Variants in ADCY1 observed in about 807,000 individuals in gnomAD.
The protein encoded by ADCY1 is adenylate cyclase type 1.
ADCY1 carries 28 observed loss-of-function variants against 105.4 expected under a neutral mutation model. The ratio of observed to expected loss-of-function variants is 0.27; its 90% CI spans 0.20 to 0.36. The LOEUF (loss-of-function observed/expected upper bound fraction) is 0.36. ADCY1 is among the 10% of genes least tolerant of loss of function. The pLI, the probability that ADCY1 is intolerant of heterozygous loss-of-function variation, is 1.00. For synonymous variants in ADCY1, 655 were observed against 623.8 expected (o/e 1.05, Z -0.75); for missense variants, 977 against 1,434.2 (o/e 0.68, Z 5.15).
chr7:45,703,450 C>G lies in ADCY1; in HGVS notation c.2529C>G (p.Ala843=). The G allele has an allele frequency of 6.2e-7, 1 of 1,614,130 alleles. No individual in the cohort carries two copies. Among genetic ancestry groups the G allele is most frequent in the Non-Finnish European group, 8.5e-7 (1 of 1,180,012 alleles). The change falls in exon 15 of 20, where the codon GCC becomes GCG. Residue 843 remains alanine (A), a synonymous_variant. Transcript: ENST00000297323. The surrounding 1 kb of genome is among the most constrained non-coding windows in gnomAD (Gnocchi z 5.9). ...GCATCCTCTTCAACCTCCTGCCGGC[C>G]CACGTCGCCCAGCACTTCCTCATGT... ...NRRILFNLLP[A]HVAQHFLMSN...
intron 10 of ADCY1, 97 bp downstream of exon 10, chr7:45,678,360 T>TCGTG: frequency 8.3e-7 from 1 of 1,199,702 alleles, no homozygotes; most frequent in Non-Finnish European, 1.2e-6. Context: ...GTGTTTCTGT[T>TCGTG]GTATGCTCAA....
intron 8 of ADCY1, among the ~76,000 whole-genome samples, chr7:45,673,196 A>ATT (rs35996092): frequency 9.2e-5 from 14 of 151,604 alleles, no homozygotes; most frequent in Non-Finnish European, 1.9e-4. Flanking sequence ...ATTTTGTTAG[A>ATT]TTTTTTTTAT....
intron 7 of ADCY1, among the ~76,000 whole-genome samples, chr7:45,660,494 C>G (rs573905500): frequency 6.6e-6 from 1 of 152,226 alleles, no homozygotes; most frequent in African/African-American, 2.4e-5. Flanking sequence ...CATGAAACCC[C>G]GCAGGGGGGC....
intron 19 of ADCY1, among the ~76,000 whole-genome samples, chr7:45,712,094 ATT>A (rs1243929579): frequency 2.3e-5 from 3 of 132,864 alleles, no homozygotes; most frequent in African/African-American, 8.5e-5. Context: ...TATATAATAT[ATT>A]TTATAATTTT....
In ADCY1 at chr7:45,606,049, C is replaced by T. The variant is rs76091572; in HGVS notation, c.790-4330C>T. ...GAAGTTTAGGCTCCACACTGGGCCT[C>T]TGTTGACACCATGTGGGGAGGGCTC... On this transcript the variant is annotated intron_variant, in intron 2 of 19. Coordinates refer to ENST00000297323, the MANE Select transcript of ADCY1 (RefSeq NM_021116.4). Among the ~76,000 whole-genome samples the T allele has an allele frequency of 3.2e-3, 485 of 152,332 alleles. 3 individuals are homozygous for T. Among genetic ancestry groups the T allele is most frequent in the Middle Eastern group, 0.017 (5 of 294 alleles).
intron 8 of ADCY1, among the ~76,000 whole-genome samples, chr7:45,672,952 A>G (rs923674451): frequency 6.6e-6 from 1 of 152,092 alleles, no homozygotes; most frequent in Non-Finnish European, 1.5e-5. Flanking sequence ...CATTTTGTAG[A>G]TGTTCTTAAT....
At chr7:45,621,892 A>AT (rs1200479916) in intron 3 of ADCY1, among the ~76,000 whole-genome samples, 1 of 152,114 alleles carries the variant, frequency 6.6e-6, no homozygotes, top group Non-Finnish European at 1.5e-5. Context: ...TATATAATTA[A>AT]TTTTTTTCTA....
intron 1 of ADCY1, among the ~76,000 whole-genome samples, chr7:45,581,894 T>G (rs1311724729): frequency 1.3e-5 from 2 of 151,968 alleles, no homozygotes; most frequent in South Asian, 2.1e-4. Flanking sequence ...CCCAGATGCA[T>G]ACACTCACAC....
rs372056652 is a variant in ADCY1, at chr7:45,678,171, C to T, written c.1806C>T (p.His602=). The T allele has an allele frequency of 6.2e-6, 10 of 1,614,212 alleles. No homozygotes were observed. The highest frequency in any genetic ancestry group is 8.5e-6 in the Non-Finnish European group (10 of 1,180,026). Residue 602 remains histidine (H), a synonymous_variant, in exon 10 of 20, where the codon CAC becomes CAT. Coordinates refer to ENST00000297323, the MANE Select transcript of ADCY1 (RefSeq NM_021116.4). ...TTGACTTCTCTCTTACACAGTACCA[C>T]CAGCTTCAGGACGAGTATTTCACCA... The part of the protein sequence containing the change: ...YKHVEREQKY[H]QLQDEYFTSA...
intron 3 of ADCY1, among the ~76,000 whole-genome samples, chr7:45,617,808 A>G (rs536409078): frequency 2.1e-3 from 315 of 152,342 alleles, no homozygotes; most frequent in Middle Eastern, 6.8e-3. Flanking sequence ...GTAATACCCA[A>G]AGTGATCTAC....
chr7:45,681,946 A>G (rs1784564327), intron 11 of ADCY1, among the ~76,000 whole-genome samples: 1 of 152,196 alleles, frequency 6.6e-6, no homozygotes, highest in South Asian at 2.1e-4. Flanking sequence ...GCAGTGTGGC[A>G]GTTCCATGGC....
Position 45,703,003 on chromosome 7 carries a change from C to T in ADCY1, c.2455-373C>T, listed in dbSNP as rs150840781. 1.6e-4 allele frequency among the ~76,000 whole-genome samples: 24 copies of T among 152,286 alleles called. No individual in the cohort carries two copies. In the East Asian group the frequency reaches 4.3e-3, roughly 27 times the overall value. ...GAGGCATTCTAGGACAGGTGCCCTG[C>T]GGGGCACATCAGGAGCTGCCTGGGG... is the stretch of plus-strand genomic sequence containing the variant. On this transcript the variant is annotated intron_variant, in intron 14 of 19. Transcript: ENST00000297323. The surrounding 1 kb of genome is among the most constrained non-coding windows in gnomAD (Gnocchi z 5.9).
At chr7:45,608,257 G>A (rs961925485) in intron 2 of ADCY1, among the ~76,000 whole-genome samples, 1 of 152,196 alleles carries the variant, frequency 6.6e-6, no homozygotes, top group African/African-American at 2.4e-5. Context: ...TTTGAGAAGT[G>A]ACTGTTCATG....
chr7:45,661,885 T>C lies in ADCY1; in HGVS notation c.1450-174T>C, dbSNP rs55785986. 1.0e-3 allele frequency among the ~76,000 whole-genome samples: 156 copies of C among 152,160 alleles called. 1 individual carries two copies. The highest frequency in any genetic ancestry group is 2.2e-3 in the Admixed American group (34 of 15,290). Reference sequence around the variant, plus strand: ...GGACGTGGCCCTCCCAATATGGTTTTGTTTGCTGCTCTATTCTGGGCACGT... The same window carrying C: ...GGACGTGGCCCTCCCAATATGGTTTCGTTTGCTGCTCTATTCTGGGCACGT... On this transcript the variant is annotated intron_variant, in intron 7 of 19. Transcript: ENST00000297323.
chr7:45,585,900 C>T (rs534062649), intron 1 of ADCY1, among the ~76,000 whole-genome samples: 3 of 152,160 alleles, frequency 2.0e-5, no homozygotes, highest in East Asian at 1.9e-4. Flanking sequence ...CTGGAAGTGG[C>T]GCTGTTCTGA....
chr7:45,588,385 G>T (rs185247898), intron 1 of ADCY1, among the ~76,000 whole-genome samples: 56 of 152,318 alleles, frequency 3.7e-4, no homozygotes, highest in African/African-American at 1.2e-3. Flanking sequence ...TTTTATTGGA[G>T]AATTTTATTA....
chr7:45,654,712 T>G (rs1784283423), intron 5 of ADCY1, among the ~76,000 whole-genome samples: 1 of 152,214 alleles, frequency 6.6e-6, no homozygotes, highest in South Asian at 2.1e-4. Context: ...GTTGATACAT[T>G]TAGGGATGGA....
At chr7:45,690,085 G>T (rs1387331365) in intron 14 of ADCY1, among the ~76,000 whole-genome samples, 5 of 152,228 alleles carry the variant, frequency 3.3e-5, no homozygotes, top group African/African-American at 1.2e-4. Context: ...TGGGAGCCCT[G>T]TGATCCACAG....
At chr7:45,627,966 T>G (rs1794110822) in intron 4 of ADCY1, among the ~76,000 whole-genome samples, 1 of 152,266 alleles carries the variant, frequency 6.6e-6, no homozygotes, top group East Asian at 1.9e-4. Flanking sequence ...CGGCGCCCAC[T>G]TCGCATATGC....
Sources: allele counts gnomAD v4.1 joint callset (sites outside exome capture counted in the v4.1 genomes callset), GRCh38; gene constraint gnomAD v4.1.1; non-coding constraint Gnocchi (gnomAD v3.1); transcripts MANE v1.5; gene names NCBI Gene and HGNC (gene_info 2026-07-23, HGNC 2026-07-21).